PDE9A: variants seen among roughly 807,000 people sequenced by gnomAD.
PDE9A encodes phosphodiesterase 9A, also known as high affinity cGMP-specific 3',5'-cyclic phosphodiesterase 9A.
PDE9A carries 60 observed loss-of-function variants against 87.4 expected under a neutral mutation model. That is an observed-to-expected ratio of 0.69 (90% CI 0.56 to 0.85). PDE9A has a LOEUF of 0.85. Ranked by LOEUF, PDE9A falls within the 40% of genes least tolerant of loss-of-function variation. The pLI is 0.00. For synonymous variants in PDE9A, 272 were observed against 279.4 expected, an observed-to-expected ratio of 0.97 and a Z score of 0.27; for missense variants, 665 against 779.0, an observed-to-expected ratio of 0.85 and a Z score of 1.74.
intron 1 of PDE9A, among the ~76,000 whole-genome samples, chr21:42,685,321 A>G (rs1179176763): frequency 1.3e-5 from 2 of 152,218 alleles, no homozygotes; most frequent in Admixed American, 1.3e-4. Context: ...GAGCGCGGCC[A>G]TCCCGCGCGT....
intron 10 of PDE9A, among the ~76,000 whole-genome samples, chr21:42,756,300 T>G (rs1174002874): frequency 1.3e-5 from 2 of 151,888 alleles, no homozygotes; most frequent in Non-Finnish European, 2.9e-5. Context: ...GGAGTGTGAG[T>G]GGCAAAGAGG....
Position 42,683,510 on chromosome 21 carries a change from T to A in PDE9A, c.70-2682T>A, listed in dbSNP as rs80264085. Among the ~76,000 whole-genome samples the A allele has an allele frequency of 3.3e-3, 497 of 152,222 alleles. 4 individuals carry two copies. Among genetic ancestry groups the A allele is most frequent in the African/African-American group, 0.011 (477 of 41,526 alleles). ...AAATTTAGGTTCAAAGAAGTTGAGT[T>A]GAGAGTCCCAGGAGTAAGAAGCAGT... On this transcript the variant is annotated intron_variant, in intron 1 of 19. Transcript: ENST00000291539.
intron 4 of PDE9A, among the ~76,000 whole-genome samples, chr21:42,720,512 G>T (rs2050395424): frequency 6.6e-6 from 1 of 151,958 alleles, no homozygotes; most frequent in East Asian, 1.9e-4. Flanking sequence ...AAATAAATAA[G>T]TTCACCCCAC....
intron 4 of PDE9A, among the ~76,000 whole-genome samples, chr21:42,729,060 G>C (rs1017036403): frequency 8.0e-5 from 12 of 150,748 alleles, no homozygotes; most frequent in Admixed American, 6.6e-5. Flanking sequence ...TGAAGATATT[G>C]TTAGAATCAT....
chr21:42,690,591 G>A (rs896840311), intron 3 of PDE9A, among the ~76,000 whole-genome samples: 4 of 151,974 alleles, frequency 2.6e-5, no homozygotes, highest in Non-Finnish European at 4.4e-5. Flanking sequence ...CCAGGCTGGT[G>A]CCTGCGCCTC....
chr21:42,687,885 G>C, intron 2 of PDE9A, 32 bp from the exon 3 acceptor site: 1 of 1,599,048 alleles, frequency 6.3e-7, no homozygotes, highest in Middle Eastern at 1.7e-4. Context: ...GCACACTATG[G>C]GCGAAAACAC....
At chr21:42,767,966 G>A (rs564137612) in intron 15 of PDE9A, among the ~76,000 whole-genome samples, 2 of 152,196 alleles carry the variant, frequency 1.3e-5, no homozygotes, top group Non-Finnish European at 2.9e-5. Flanking sequence ...CCTGGGCTGG[G>A]GTGGCCAGAA....
Position 42,739,230 on chromosome 21 carries a change from C to T in PDE9A, c.569-4546C>T, listed in dbSNP as rs940239547. 2.0e-5 allele frequency among the ~76,000 whole-genome samples: 3 copies of T among 152,218 alleles called. No homozygotes were observed. Among genetic ancestry groups the T allele is most frequent in the South Asian group, 4.1e-4 (2 of 4,836 alleles). ...AGCGGGCCATGATGGGCAGAGCCGA[C>T]GTCCAGGCTCCACGGTAGGGCCGTC... On this transcript the variant is annotated intron_variant, in intron 7 of 19. Coordinates refer to ENST00000291539, the MANE Select transcript of PDE9A (RefSeq NM_002606.3). The surrounding 1 kb of genome is among the most constrained non-coding windows in gnomAD (Gnocchi z 4.1).
rs1320906949 is a variant in PDE9A at position 42,740,622 on chromosome 21, GATGAATGGATAC to G, written c.569-3151_569-3140del. ...GGATGGATGGATGGATGGATGGATGGATGAATGGATACATAGATGAATGGATGGATAGATAGT... is the reference window on the plus strand; with the variant it reads ...GGATGGATGGATGGATGGATGGATGGATAGATGAATGGATGGATAGATAGT... On this transcript the variant is annotated intron_variant, in intron 7 of 19. Coordinates refer to ENST00000291539, the MANE Select transcript of PDE9A (RefSeq NM_002606.3). 1.7e-3 allele frequency among the ~76,000 whole-genome samples: 47 copies of G among 26,930 alleles called. No homozygotes were observed. The East Asian group carries it at 0.033, about 19-fold the overall frequency. The allele number at this position is 26,930 out of a possible 152,430, so 17.7% of individuals were successfully genotyped here. A position where few individuals can be genotyped will look rare whatever the true frequency, so the allele number is the denominator to read the frequency against.
chr21:42,669,213 T>A (rs180710669), intron 1 of PDE9A, among the ~76,000 whole-genome samples: 315 of 152,228 alleles, frequency 2.1e-3, no homozygotes, highest in Non-Finnish European at 3.5e-3. Context: ...TGGGCTGAAA[T>A]CCAGGTGTGG....
chr21:42,753,129 C>T (rs1327081778), intron 9 of PDE9A, among the ~76,000 whole-genome samples: 1 of 152,194 alleles, frequency 6.6e-6, no homozygotes, highest in Non-Finnish European at 1.5e-5. Flanking sequence ...ACCTCAGGCT[C>T]CCAAGTAGCT....
intron 17 of PDE9A, among the ~76,000 whole-genome samples, chr21:42,770,055 G>A (rs1256509634): frequency 6.6e-6 from 1 of 152,050 alleles, no homozygotes; most frequent in Non-Finnish European, 1.5e-5. Flanking sequence ...CCTCACCTGT[G>A]GAGGAACCCC....
At chr21:42,761,530 C>T (rs1207029649) in intron 13 of PDE9A, among the ~76,000 whole-genome samples, 1 of 152,102 alleles carries the variant, frequency 6.6e-6, no homozygotes, top group Non-Finnish European at 1.5e-5. Flanking sequence ...CGCAGCAGCT[C>T]TCTCTGTTGA....
chr21:42,720,191 T>A (rs559116281), intron 4 of PDE9A, among the ~76,000 whole-genome samples: 1 of 152,170 alleles, frequency 6.6e-6, no homozygotes, highest in East Asian at 1.9e-4. Context: ...ACCCACACCC[T>A]CCCTTAGAAG....
chr21:42,698,214 G>A (rs899416610), intron 3 of PDE9A, among the ~76,000 whole-genome samples: 3 of 152,188 alleles, frequency 2.0e-5, no homozygotes, highest in Non-Finnish European at 2.9e-5. Flanking sequence ...CACCTGTGAT[G>A]TCTGCCGCCC....
intron 10 of PDE9A, chr21:42,756,872 G>C (rs1191445379): frequency 6.6e-6 from 1 of 152,424 alleles, no homozygotes; most frequent in Non-Finnish European, 1.5e-5. Context: ...CTGCCCCACA[G>C]CCTCTATGAA....
intron 4 of PDE9A, among the ~76,000 whole-genome samples, chr21:42,726,797 T>C (rs892424282): frequency 3.3e-5 from 5 of 150,290 alleles, no homozygotes; most frequent in Non-Finnish European, 4.4e-5. Context: ...TACATGGTCA[T>C]TGCTAAGCTT....
At position 42,765,507 on chromosome 21, in the gene PDE9A, T is replaced by C. The variant is rs2056305645; in HGVS notation, c.1356+13T>C. On this transcript the variant is annotated intron_variant, in intron 15 of 19. Coordinates refer to ENST00000291539, the MANE Select transcript of PDE9A (RefSeq NM_002606.3). ...GCACATGACCCTGGTGAGTGGCTTA[T>C]TCTGCCTGGGTGGGCAGCCAGGCGG... 6.7e-7 allele frequency: 1 copy of C among 1,500,796 alleles called. No homozygotes were observed. Among genetic ancestry groups the C allele is most frequent in the Admixed American group, 1.7e-5 (1 of 59,752 alleles). 93.0% of individuals were successfully genotyped at this position (1,500,796 alleles called of 1,614,324 possible).
rs2056332516 is a variant in PDE9A at position 42,765,754 on chromosome 21, G to T, written c.1356+260G>T. The T allele has an allele frequency of 1.1e-5, 5 of 458,642 alleles. No individual in the cohort carries two copies. In the East Asian group the frequency reaches 1.3e-4, roughly 12 times the overall value. 28.4% of individuals were successfully genotyped at this position (458,642 alleles called of 1,614,324 possible). A position where few individuals can be genotyped will look rare whatever the true frequency, so the allele number is the denominator to read the frequency against. On this transcript the variant is annotated intron_variant, in intron 15 of 19. Transcript: ENST00000291539. ...TTTTGGATTTGAAGGAGATAAGTGG[G>T]TGAAGGCCGTGCATCTCGCTCTGCT...
Sources: gnomAD v4.1 joint callset for allele counts (sites outside exome capture counted in the v4.1 genomes callset) on GRCh38, gnomAD v4.1.1 for gene constraint, Gnocchi (gnomAD v3.1) non-coding constraint, MANE v1.5 for transcripts, NCBI Gene and HGNC (gene_info 2026-07-23, HGNC 2026-07-21) for gene names.